CCDC68: variants seen among roughly 807,000 people sequenced by gnomAD.
CCDC68 encodes the protein coiled-coil domain-containing protein 68.
In CCDC68, 45 loss-of-function variants were observed where a neutral mutation model predicts 47.1. The ratio of observed to expected loss-of-function variants is 0.96; its 90% CI spans 0.75 to 1.23. The LOEUF (loss-of-function observed/expected upper bound fraction) is 1.23. CCDC68 is among the 50% of genes most tolerant of loss of function. The pLI is 0.00. For missense variants in CCDC68, 353 were observed against 373.6 expected (o/e 0.94, Z 0.45); for synonymous variants, 131 against 129.5 (o/e 1.01, Z -0.08).
intron 4 of CCDC68, among the ~76,000 whole-genome samples, chr18:54,938,654 G>A (rs578193705): frequency 6.6e-6 from 1 of 152,322 alleles, no homozygotes; most frequent in Non-Finnish European, 1.5e-5. Context: ...GTGGACACAC[G>A]GAGGTGGATA....
At position 54,912,212 on chromosome 18, in the gene CCDC68, AG is replaced by A. The variant is rs1462111140; in HGVS notation, c.874-4351del. Among the ~76,000 whole-genome samples the A allele has an allele frequency of 4.6e-4, 70 of 152,242 alleles. 1 individual carries two copies. The highest frequency in any genetic ancestry group is 1.6e-3 in the African/African-American group (67 of 41,474). On this transcript the variant is annotated intron_variant, in intron 10 of 11. Coordinates refer to ENST00000591504, the MANE Select transcript of CCDC68 (RefSeq NM_025214.3). ...TCTGAAAATGCATTTCCCTAGGAGCAGGTCCTTAGCGAAGAAACTAGAAATG... is the reference window on the plus strand; with the variant it reads ...TCTGAAAATGCATTTCCCTAGGAGCAGTCCTTAGCGAAGAAACTAGAAATG...
rs754270634 is a variant in CCDC68 at position 54,934,933 on chromosome 18, T to G, written c.487A>C (p.Lys163Gln). ...ACATGTTGTTTCAATTTCTGTTCTT[T>G]TTCAAGCTTGTTAACCTATGGTCAG... ...KQLLQVNKLE[K>Q]EQKLKQHVEN... The change falls in exon 7 of 12, where the codon AAA (lysine) becomes CAA (glutamine). Residue 163 changes from lysine (K) to glutamine (Q), a missense_variant. Physicochemically the swap from Lys to Gln is moderately conservative, Grantham distance 53. Coordinates refer to ENST00000591504, the MANE Select transcript of CCDC68 (RefSeq NM_025214.3). 2.5e-6 allele frequency: 4 copies of G among 1,593,588 alleles called. No individual in the cohort carries two copies.
chr18:54,930,648 T>TCCCC (rs2044232864), intron 7 of CCDC68, among the ~76,000 whole-genome samples: 1 of 9,300 alleles, frequency 1.1e-4, no homozygotes, highest in African/African-American at 4.6e-4. Context: ...CCTCCCTCCC[T>TCCCC]CCCTCCCTTC....
rs189787314 is a variant in CCDC68, at chr18:54,906,943, T to C, written c.950+843A>G. Among the ~76,000 whole-genome samples, 288 of 152,330 alleles carry C rather than the reference T, an allele frequency of 1.9e-3. 1 individual carries two copies. The highest frequency in any genetic ancestry group is 6.5e-3 in the African/African-American group (269 of 41,588). On this transcript the variant is annotated intron_variant, in intron 11 of 11. Transcript: ENST00000591504. Reference sequence around the variant, plus strand: ...AGTTTTAAAGAGAGAAGAATCTTCCTGAATTCCTAGACTGATGCTAATCAT... The same window carrying C: ...AGTTTTAAAGAGAGAAGAATCTTCCCGAATTCCTAGACTGATGCTAATCAT...
At chr18:54,932,329 C>T (rs905380266) in intron 7 of CCDC68, among the ~76,000 whole-genome samples, 5 of 151,714 alleles carry the variant, frequency 3.3e-5, no homozygotes, top group African/African-American at 1.2e-4. Context: ...GGACTACAAG[C>T]ACATGCTACC....
chr18:54,938,139 C>T, intron 4 of CCDC68, 42 bp from the exon 5 acceptor site: 2 of 1,570,860 alleles, frequency 1.3e-6, no homozygotes, highest in Non-Finnish European at 1.7e-6. Context: ...ACTATCTTTT[C>T]CTCTACAAAC....
At chr18:54,936,582 C>G (rs535087706) in intron 6 of CCDC68, among the ~76,000 whole-genome samples, 8 of 152,204 alleles carry the variant, frequency 5.3e-5, no homozygotes, top group African/African-American at 1.9e-4. Context: ...GTGGCACTGC[C>G]TCCCTCCCAC....
intron 7 of CCDC68, among the ~76,000 whole-genome samples, chr18:54,931,302 A>G (rs2068190864): frequency 2.0e-5 from 3 of 152,098 alleles, no homozygotes; most frequent in Admixed American, 2.0e-4. Flanking sequence ...CTTCTCAGGC[A>G]ATGTCTTCAG....
intron 8 of CCDC68, among the ~76,000 whole-genome samples, chr18:54,928,571 C>A (rs1226113882): frequency 6.6e-6 from 1 of 152,142 alleles, no homozygotes; most frequent in African/African-American, 2.4e-5. Context: ...TCCCTGCACC[C>A]CCAGTGAACT....
chr18:54,907,685 A>G (rs1914091099), intron 11 of CCDC68, 101 bp downstream of exon 11: 1 of 692,004 alleles, frequency 1.4e-6, no homozygotes, highest in Non-Finnish European at 2.6e-6. Flanking sequence ...ACAAATGATT[A>G]CATAAGCAGT....
chr18:54,908,084 ATAGAG>A (rs1185406034), intron 10 of CCDC68, among the ~76,000 whole-genome samples: 4 of 152,348 alleles, frequency 2.6e-5, no homozygotes, highest in African/African-American at 9.6e-5. Flanking sequence ...AGGGACTAAA[ATAGAG>A]TATTCTGATT....
At chr18:54,916,621 A>G (rs772499904) in intron 10 of CCDC68, among the ~76,000 whole-genome samples, 2 of 152,254 alleles carry the variant, frequency 1.3e-5, no homozygotes, top group Non-Finnish European at 2.9e-5. Flanking sequence ...AGACACGGCA[A>G]GAAATGGAAT....
chr18:54,943,006 A>AG (rs1287124293), intron 2 of CCDC68: 2 of 372,562 alleles, frequency 5.4e-6, no homozygotes, highest in Non-Finnish European at 9.5e-6. Flanking sequence ...TTAATTAAAA[A>AG]TTTAACATTT....
At chr18:54,913,838 TA>T (rs1416818546) in intron 10 of CCDC68, among the ~76,000 whole-genome samples, 1 of 151,970 alleles carries the variant, frequency 6.6e-6, no homozygotes, top group Non-Finnish European at 1.5e-5. Flanking sequence ...AAAATAAAAA[TA>T]AAATAAAATA....
intron 1 of CCDC68, chr18:54,954,394 C>G (rs2044677334): frequency 6.6e-6 from 1 of 152,046 alleles, no homozygotes; most frequent in Admixed American, 6.6e-5. Flanking sequence ...GCCCACCCTC[C>G]CACACCATGA....
Position 54,916,987 on chromosome 18 carries a change from G to T in CCDC68, c.873+926C>A, listed in dbSNP as rs114620394. Among the ~76,000 whole-genome samples, 1,476 of 152,162 alleles carry T rather than the reference G, an allele frequency of 9.7e-3. 11 individuals carry two copies. The highest frequency in any genetic ancestry group is 0.033 in the African/African-American group (1,354 of 41,506). ...ATGCAAGCTATGGCTTCCACCTTCCGCCATGCCATGATTGTGAGGCCTCCC... is the reference window on the plus strand; with the variant it reads ...ATGCAAGCTATGGCTTCCACCTTCCTCCATGCCATGATTGTGAGGCCTCCC... On this transcript the variant is annotated intron_variant, in intron 10 of 11. Transcript: ENST00000591504.
At chr18:54,949,946 T>C (rs2044586465) in intron 1 of CCDC68, among the ~76,000 whole-genome samples, 7 of 152,184 alleles carry the variant, frequency 4.6e-5, no homozygotes, top group Admixed American at 4.6e-4. Flanking sequence ...CAGTGGCCAG[T>C]GTCCAGTGGC....
intron 1 of CCDC68, among the ~76,000 whole-genome samples, chr18:54,946,561 G>A (rs146397357): frequency 2.8e-4 from 42 of 152,238 alleles, no homozygotes; most frequent in Non-Finnish European, 4.1e-4. Context: ...GGAATGAATC[G>A]CTCTTTAGAA....
rs941589244 is a variant in CCDC68, at chr18:54,903,330, C to G, written c.*1028G>C. On this transcript the variant is annotated 3_prime_UTR_variant, in exon 12 of 12. Transcript: ENST00000591504. ...AGTTTGTTCTTTCCTGACTGTATGT[C>G]TGCATTTCTGCAAGTCAGAATTTGT... 6.6e-6 allele frequency: 1 copy of G among 152,186 alleles called. No homozygotes were observed. Among genetic ancestry groups the G allele is most frequent in the Non-Finnish European group, 1.5e-5 (1 of 68,018 alleles). The allele number at this position is 152,186 out of a possible 1,614,324, so 9.4% of individuals were successfully genotyped here.
Sources: gnomAD v4.1 joint callset for allele counts (sites outside exome capture counted in the v4.1 genomes callset) on GRCh38, gnomAD v4.1.1 for gene constraint, MANE v1.5 for transcripts, NCBI Gene and HGNC (gene_info 2026-07-23, HGNC 2026-07-21) for gene names.